SCEL: variants seen among roughly 807,000 people sequenced by gnomAD.
The protein encoded by SCEL is sciellin.
Under a neutral mutation model 117.6 loss-of-function variants are expected in SCEL, and 113 were observed. That is an observed-to-expected ratio of 0.96 (90% CI 0.83 to 1.12). The LOEUF (loss-of-function observed/expected upper bound fraction) is 1.12. Ranked by LOEUF, SCEL falls within the 50% of genes most tolerant of loss-of-function variation. The pLI is 0.00. For synonymous variants in SCEL, 270 were observed against 256.2 expected (o/e 1.05, Z -0.51); for missense variants, 785 against 810.8 (o/e 0.97, Z 0.39).
At chr13:77,626,316 T>C (rs1016612797) in intron 27 of SCEL, among the ~76,000 whole-genome samples, 1 of 152,168 alleles carries the variant, frequency 6.6e-6, no homozygotes, top group African/African-American at 2.4e-5. Context: ...CCTTGACACA[T>C]AGGGATTATT....
intron 29 of SCEL, among the ~76,000 whole-genome samples, chr13:77,634,666 AT>A (rs2090189478): frequency 6.6e-6 from 1 of 152,178 alleles, no homozygotes; most frequent in Non-Finnish European, 1.5e-5. Context: ...ACTCAGTAAT[AT>A]TTTAGTATAA....
At chr13:77,578,320 A>G (rs940709201) in intron 9 of SCEL, among the ~76,000 whole-genome samples, 2 of 152,010 alleles carry the variant, frequency 1.3e-5, no homozygotes, top group Non-Finnish European at 2.9e-5. Context: ...CAAAGAGACC[A>G]CCACCAAGAA....
chr13:77,613,715 A>G (rs2088831623), intron 23 of SCEL, among the ~76,000 whole-genome samples, 178 bp from the exon 24 acceptor site: 1 of 152,032 alleles, frequency 6.6e-6, no homozygotes, highest in Non-Finnish European at 1.5e-5. Context: ...GGTGGTATTA[A>G]TATTGATGTC....
At chr13:77,613,805 C>A in intron 23 of SCEL, 88 bp from the exon 24 acceptor site, 1 of 999,964 alleles carries the variant, frequency 1.0e-6, no homozygotes, top group Non-Finnish European at 1.6e-6. Flanking sequence ...AGTTCTTACA[C>A]TAGGATTCTA....
rs1046799065 is a variant in SCEL, at chr13:77,600,150, C to T, written c.917+402C>T. The T allele has an allele frequency of 8.1e-5, 13 of 159,582 alleles. No homozygotes were observed. In the South Asian group the frequency reaches 2.1e-3, roughly 26 times the overall value. The allele number at this position is 159,582 out of a possible 1,614,324, so 9.9% of individuals were successfully genotyped here. A position where few individuals can be genotyped will look rare whatever the true frequency, so the allele number is the denominator to read the frequency against. ...CCCCTCACCACTGAAGTCTCTTTCT[C>T]TCTTTTTCTTTTCTTTAAGACAGAG... is the stretch of plus-strand genomic sequence containing the variant. On this transcript the variant is annotated intron_variant, in intron 15 of 32. Transcript: ENST00000349847.
chr13:77,589,742 G>A (rs1044787959), intron 10 of SCEL, among the ~76,000 whole-genome samples: 4 of 152,018 alleles, frequency 2.6e-5, no homozygotes, highest in Admixed American at 6.6e-5. Context: ...TTACTGAAGG[G>A]ATTTGTAATT....
In SCEL at chr13:77,563,893, T is replaced by A. The variant is rs201953147; in HGVS notation, c.284T>A (p.Leu95Ter). 4 of 1,591,586 alleles carry A rather than the reference T, an allele frequency of 2.5e-6. No individual in the cohort carries two copies. In the African/African-American group the frequency reaches 4.1e-5, roughly 16 times the overall value. The change falls in exon 5 of 33, where the codon TTG becomes TAG. Residue 95 changes from leucine to a stop codon, truncating the protein, a stop_gained. Coordinates refer to ENST00000349847, the MANE Select transcript of SCEL (RefSeq NM_144777.3). LOFTEE classifies it high-confidence loss of function. Reference protein sequence around the residue: ...TISRYSSDDTLDRISDRNDAA... With the variant: ...TISRYSSDDT Reference sequence around the variant, plus strand: ...AGTCGGTACAGTTCTGATGACACTTTGGACAGGTAAGGGGCTTTTGAACCA... The same window carrying A: ...AGTCGGTACAGTTCTGATGACACTTAGGACAGGTAAGGGGCTTTTGAACCA...
chr13:77,569,923 G>T (rs559767842), intron 8 of SCEL, among the ~76,000 whole-genome samples: 5 of 152,132 alleles, frequency 3.3e-5, no homozygotes, highest in Admixed American at 6.5e-5. Flanking sequence ...CCTCTGCATG[G>T]TCTCCCACAT....
chr13:77,603,150 T>C lies in SCEL; in HGVS notation c.1097+15T>C. ...AATACCACTGGGTAAAAATAATTAA[T>C]GTCTTTAATTATGGTTTCTGTTAAG... On this transcript the variant is annotated intron_variant, in intron 18 of 32. Coordinates refer to ENST00000349847, the MANE Select transcript of SCEL (RefSeq NM_144777.3). 2 of 1,436,262 alleles carry C rather than the reference T, an allele frequency of 1.4e-6. No homozygotes were observed. Among genetic ancestry groups the C allele is most frequent in the Non-Finnish European group, 1.9e-6 (2 of 1,043,006 alleles). The allele number at this position is 1,436,262 out of a possible 1,614,324, so 89.0% of individuals were successfully genotyped here.
chr13:77,539,794 A>T (rs531890681), intron 1 of SCEL, among the ~76,000 whole-genome samples: 2 of 152,272 alleles, frequency 1.3e-5, no homozygotes, highest in South Asian at 4.1e-4. Flanking sequence ...TCTGCCTCCC[A>T]AAGTGCTGGG....
At position 77,609,038 on chromosome 13, in the gene SCEL, T is replaced by G; in HGVS notation, c.1218-20T>G. On this transcript the variant is annotated intron_variant, in intron 20 of 32. Transcript: ENST00000349847. ...TAATTCCATTTTTATTTATGATGTT[T>G]TTTGTTTTTTTGTTTGAAGTTCCAA... 1 of 1,552,068 alleles carries G rather than the reference T, an allele frequency of 6.4e-7. No homozygotes were observed. The highest frequency in any genetic ancestry group is 8.7e-7 in the Non-Finnish European group (1 of 1,144,182).
intron 24 of SCEL, among the ~76,000 whole-genome samples, chr13:77,616,002 CTCTGTGTGTGTGTGTGTGTGTGTGTGTG>C (rs1488919468): frequency 2.1e-5 from 3 of 141,918 alleles, no homozygotes; most frequent in Middle Eastern, 3.6e-3. Context: ...ATTTATGTCT[CTCTGTGTGTGTGTGTGTGTGTGTGTGTG>C]TGTGTGTGTG....
chr13:77,617,329 C>T lies in SCEL; in HGVS notation c.1452-270C>T, dbSNP rs562311632. Among the ~76,000 whole-genome samples the T allele has an allele frequency of 7.9e-5, 12 of 152,132 alleles. No homozygotes were observed. The South Asian group carries it at 2.5e-3, about 31-fold the overall frequency. On this transcript the variant is annotated intron_variant, in intron 24 of 32. Coordinates refer to ENST00000349847, the MANE Select transcript of SCEL (RefSeq NM_144777.3). ...TAATGTTAATACATTCAAGAATGAA[C>T]AATTGTCAGTTATCAGATGTTTGCT...
intron 1 of SCEL, among the ~76,000 whole-genome samples, chr13:77,541,096 G>T (rs1377591832): frequency 6.6e-6 from 1 of 151,994 alleles, no homozygotes; most frequent in Admixed American, 6.5e-5. Context: ...AATAGGGAAT[G>T]CAAAATCAAA....
At chr13:77,614,715 C>A (rs1467984116) in intron 24 of SCEL, among the ~76,000 whole-genome samples, 1 of 152,040 alleles carries the variant, frequency 6.6e-6, no homozygotes, top group Admixed American at 6.6e-5. Context: ...CCAGATGAAT[C>A]TATTTATTTT....
intron 27 of SCEL, among the ~76,000 whole-genome samples, chr13:77,619,605 G>C (rs938503540): frequency 1.3e-5 from 2 of 152,234 alleles, no homozygotes; most frequent in East Asian, 3.9e-4. Context: ...TAAAATGACA[G>C]TGAGGAAAGA....
chr13:77,545,389 A>T (rs2083931438), intron 1 of SCEL, among the ~76,000 whole-genome samples: 1 of 152,228 alleles, frequency 6.6e-6, no homozygotes, highest in South Asian at 2.1e-4. Context: ...TTACAAAACA[A>T]TAAAATTTGG....
At position 77,629,231 on chromosome 13, in the gene SCEL, A is replaced by G. The variant is rs542758855; in HGVS notation, c.1691+1222A>G. Among the ~76,000 whole-genome samples the G allele has an allele frequency of 1.9e-3, 287 of 152,244 alleles. 1 individual carries two copies. The highest frequency in any genetic ancestry group is 3.6e-3 in the Non-Finnish European group (245 of 68,006). The stretch of plus-strand genomic sequence containing the variant: ...AGATTGTCCATTCTTGACCTGAAGA[A>G]GTTTGGAACCCTTGGACATTAACTA... On this transcript the variant is annotated intron_variant, in intron 28 of 32. Coordinates refer to ENST00000349847, the MANE Select transcript of SCEL (RefSeq NM_144777.3).
intron 7 of SCEL, 23 bp downstream of exon 7, chr13:77,568,356 G>T: frequency 6.9e-7 from 1 of 1,442,372 alleles, no homozygotes; most frequent in Admixed American, 1.8e-5. Flanking sequence ...TCTAATTGTA[G>T]TATATTTCTT....
Sources: allele counts gnomAD v4.1 joint callset (sites outside exome capture counted in the v4.1 genomes callset), GRCh38; gene constraint gnomAD v4.1.1; transcripts MANE v1.5; gene names NCBI Gene and HGNC (gene_info 2026-07-23, HGNC 2026-07-21).